Variants in MORC3 observed in about 807,000 individuals in gnomAD.
MORC3 encodes the protein MORC family CW-type zinc finger 3.
In MORC3, 31 loss-of-function variants were observed where a neutral mutation model predicts 109.1. The ratio of observed to expected loss-of-function variants is 0.28; its 90% CI spans 0.21 to 0.38. The LOEUF is 0.38. Ranked by LOEUF, MORC3 falls within the 10% of genes least tolerant of loss-of-function variation. The pLI is 1.00. For synonymous variants in MORC3, 395 were observed against 380.7 expected (o/e 1.04, Z -0.44); for missense variants, 867 against 1,135.8 (o/e 0.76, Z 3.40).
At chr21:36,327,297 C>T (rs1345807485) in intron 1 of MORC3, among the ~76,000 whole-genome samples, 3 of 150,772 alleles carry the variant, frequency 2.0e-5, no homozygotes, top group East Asian at 2.0e-4. Context: ...GCTGGGATTA[C>T]AGGCGCTCAC....
At chr21:36,321,646 A>G (rs2085194713) in intron 1 of MORC3, among the ~76,000 whole-genome samples, 1 of 151,730 alleles carries the variant, frequency 6.6e-6, no homozygotes, top group African/African-American at 2.4e-5. Flanking sequence ...AAGGTATTGT[A>G]AAGTCTGGCC....
chr21:36,370,638 T>TATA (rs1569110858), intron 15 of MORC3, among the ~76,000 whole-genome samples: 18 of 24,226 alleles, frequency 7.4e-4, no homozygotes, highest in African/African-American at 2.3e-3. Context: ...TATATATATA[T>TATA]ATTTTTTTTT....
intron 15 of MORC3, among the ~76,000 whole-genome samples, chr21:36,371,144 T>G (rs1397922805): frequency 1.3e-5 from 2 of 152,160 alleles, no homozygotes; most frequent in Admixed American, 6.6e-5. Flanking sequence ...CAAATTCAGG[T>G]AGCTCCTTTT....
Position 36,369,400 on chromosome 21 carries a change from A to G in MORC3, c.2032A>G (p.Ile678Val), listed in dbSNP as rs768382267. 2 of 1,614,202 alleles carry G rather than the reference A, an allele frequency of 1.2e-6. No homozygotes were observed. Among genetic ancestry groups the G allele is most frequent in the East Asian group, 2.2e-5 (1 of 44,884 alleles). The change falls in exon 15 of 17, where the codon ATA (isoleucine) becomes GTA (valine). Residue 678 changes from isoleucine to valine, a missense_variant. Physicochemically the swap from Ile to Val is conservative, Grantham distance 29. Coordinates refer to ENST00000400485, the MANE Select transcript of MORC3 (RefSeq NM_015358.3). ...LPSCVEAEAK[I>V]HETQETTDKS... Reference sequence around the variant, plus strand: ...CTCCTGTGTAGAAGCTGAAGCAAAGATACATGAAACCCAGGAAACCACCGA... The same window carrying G: ...CTCCTGTGTAGAAGCTGAAGCAAAGGTACATGAAACCCAGGAAACCACCGA...
rs548339878 is a variant in MORC3 at position 36,364,006 on chromosome 21, AGGGGGAAG to A, written c.1453-86_1453-79del. On this transcript the variant is annotated intron_variant, in intron 13 of 16. Transcript: ENST00000400485. ...AATTGTTTTTGTGTCTTCTGGGATA[AGGGGGAAG>A]AGGAAGATTATATCTTGTGTTTTGG... 5.1e-4 allele frequency: 698 copies of A among 1,380,092 alleles called. 2 individuals carry two copies. In the Middle Eastern group the frequency reaches 9.1e-3, roughly 18 times the overall value. The allele number at this position is 1,380,092 out of a possible 1,614,324, so 85.5% of individuals were successfully genotyped here. A position where few individuals can be genotyped will look rare whatever the true frequency, so the allele number is the denominator to read the frequency against.
Position 36,368,360 on chromosome 21 carries a change from G to A in MORC3, c.1620-628G>A, listed in dbSNP as rs79134847. ...AGCTGAAGAATACAAAGAAGGGGCC[G>A]GGGTGGGTAGCATTCTGTTCTGGAA... On this transcript the variant is annotated intron_variant, in intron 14 of 16. Transcript: ENST00000400485. 5.4e-3 allele frequency among the ~76,000 whole-genome samples: 817 copies of A among 152,220 alleles called. 3 individuals carry two copies. The highest frequency in any genetic ancestry group is 9.7e-3 in the Non-Finnish European group (657 of 68,014).
intron 8 of MORC3, among the ~76,000 whole-genome samples, chr21:36,345,527 T>C (rs1271935041): frequency 6.6e-6 from 1 of 151,844 alleles, no homozygotes; most frequent in African/African-American, 2.4e-5. Context: ...GTTCAAGCAA[T>C]TCTCCTGCCT....
chr21:36,360,582 A>G, intron 12 of MORC3: 1 of 331,508 alleles, frequency 3.0e-6, no homozygotes, highest in Non-Finnish European at 5.6e-6. Flanking sequence ...GTGATACATG[A>G]ATTTTACCAG....
chr21:36,339,084 C>A, intron 5 of MORC3, 163 bp downstream of exon 5: 2 of 734,148 alleles, frequency 2.7e-6, no homozygotes, highest in Non-Finnish European at 4.1e-6. Context: ...TTATAGAGGC[C>A]ATTTCAGCTT....
intron 9 of MORC3, among the ~76,000 whole-genome samples, chr21:36,354,744 T>A (rs771284184): frequency 6.6e-6 from 1 of 152,242 alleles, no homozygotes; most frequent in Non-Finnish European, 1.5e-5. Flanking sequence ...ACCCACCTTC[T>A]GGATTGTCTA....
intron 10 of MORC3, among the ~76,000 whole-genome samples, chr21:36,359,556 C>CTTTTTTTTTTTTTTTTTTTTT (rs5843757): frequency 2.1e-5 from 2 of 93,952 alleles, no homozygotes; most frequent in African/African-American, 4.8e-5. Flanking sequence ...CTTTCCTCTC[C>CTTTTTTTTTTTTTTTTTTTTT]TTTTTTTTTT....
chr21:36,336,510 C>T (rs2085377637), intron 2 of MORC3, among the ~76,000 whole-genome samples: 1 of 152,220 alleles, frequency 6.6e-6, no homozygotes, highest in Non-Finnish European at 1.5e-5. Flanking sequence ...TCCCAAAGTG[C>T]TGGGATTACA....
intron 1 of MORC3, among the ~76,000 whole-genome samples, chr21:36,327,162 T>G (rs2085257572): frequency 2.4e-5 from 1 of 41,398 alleles, no homozygotes; most frequent in African/African-American, 5.9e-5. Flanking sequence ...TTTCTTTTTT[T>G]TTTTTTTTTT....
chr21:36,340,415 C>G (rs1387120745), intron 5 of MORC3, among the ~76,000 whole-genome samples: 2 of 152,004 alleles, frequency 1.3e-5, no homozygotes, highest in African/African-American at 4.8e-5. Flanking sequence ...TACCCACTTC[C>G]CTCATAACCC....
intron 14 of MORC3, among the ~76,000 whole-genome samples, chr21:36,365,499 G>C (rs1307391557): frequency 6.6e-6 from 1 of 152,070 alleles, no homozygotes; most frequent in Admixed American, 6.6e-5. Flanking sequence ...AGGAATTTTT[G>C]ACCCCAAGGA....
At chr21:36,370,551 C>T (rs371973610) in intron 15 of MORC3, among the ~76,000 whole-genome samples, 2 of 141,240 alleles carry the variant, frequency 1.4e-5, no homozygotes, top group Non-Finnish European at 3.0e-5. Context: ...TTATGTCTTT[C>T]AAGATTCCTG....
chr21:36,321,002 C>G (rs973866507), intron 1 of MORC3, among the ~76,000 whole-genome samples: 2 of 152,200 alleles, frequency 1.3e-5, no homozygotes, highest in African/African-American at 4.8e-5. Context: ...GTGGGCGTGG[C>G]TTCCCCACCT....
intron 6 of MORC3, among the ~76,000 whole-genome samples, chr21:36,343,152 A>G (rs1170138515): frequency 2.1e-4 from 32 of 150,462 alleles, no homozygotes; most frequent in African/African-American, 6.8e-4. Context: ...CTGGAGTGCA[A>G]TGGCATGATC....
At position 36,369,892 on chromosome 21, in the gene MORC3, C is replaced by G; in HGVS notation, c.2508+16C>G. 1 of 1,603,620 alleles carries G rather than the reference C, an allele frequency of 6.2e-7. No individual in the cohort carries two copies. The highest frequency in any genetic ancestry group is 2.2e-5 in the East Asian group (1 of 44,840). On this transcript the variant is annotated intron_variant, in intron 15 of 16. Coordinates refer to ENST00000400485, the MANE Select transcript of MORC3 (RefSeq NM_015358.3). ...TAAAAGTGAGGTGAGTTATATCATC[C>G]AACATGTAGTCATGGAGTCCAGGGC...
Sources: allele counts gnomAD v4.1 joint callset (sites outside exome capture counted in the v4.1 genomes callset), GRCh38; gene constraint gnomAD v4.1.1; transcripts MANE v1.5; gene names NCBI Gene and HGNC (gene_info 2026-07-23, HGNC 2026-07-21).